The following TAF3 variants were observed in gnomAD, a reference collection of about 807,000 sequenced individuals.
The protein encoded by TAF3 is transcription initiation factor TFIID subunit 3.
TAF3 carries 7 observed loss-of-function variants against 80.6 expected under a neutral mutation model. The observed-to-expected ratio is 0.09, with a 90% CI of 0.05 to 0.16. The LOEUF (loss-of-function observed/expected upper bound fraction) is 0.16. Among genes scored for constraint, TAF3 ranks in the 10% least tolerant of loss-of-function variants. The pLI is 1.00. For missense variants in TAF3, 921 were observed against 1,140.2 expected (o/e 0.81, Z 2.77); for synonymous variants, 444 against 446.1 (o/e 1.00, Z 0.06).
At chr10:7,953,091 C>T (rs1838100210) in intron 2 of TAF3, among the ~76,000 whole-genome samples, 1 of 152,138 alleles carries the variant, frequency 6.6e-6, no homozygotes, top group Admixed American at 6.5e-5. Flanking sequence ...AGCTTCCCAG[C>T]TGGGCCTGAC....
intron 2 of TAF3, among the ~76,000 whole-genome samples, chr10:7,830,994 G>A (rs1244507): frequency 0.44 from 67,138 of 152,040 alleles, 14,998 homozygotes; most frequent in South Asian, 0.53. Flanking sequence ...GATATCAGCT[G>A]ATGATGTCCA....
intron 4 of TAF3, among the ~76,000 whole-genome samples, chr10:7,978,490 T>C (rs930759660): frequency 2.0e-5 from 3 of 152,184 alleles, no homozygotes; most frequent in Non-Finnish European, 2.9e-5. Flanking sequence ...TCACCTAAAT[T>C]CTCTGGATAA....
intron 2 of TAF3, among the ~76,000 whole-genome samples, chr10:7,863,730 T>C (rs1425951524): frequency 7.6e-6 from 1 of 132,022 alleles, no homozygotes; most frequent in Non-Finnish European, 1.6e-5. Flanking sequence ...CACATATATA[T>C]ATACACATAT....
intron 2 of TAF3, among the ~76,000 whole-genome samples, chr10:7,868,133 G>A (rs894113720): frequency 6.6e-6 from 1 of 151,910 alleles, no homozygotes; most frequent in Non-Finnish European, 1.5e-5. Flanking sequence ...CATATAAGGG[G>A]GCATGTGTAG....
chr10:7,855,540 G>T (rs1325565967), intron 2 of TAF3, among the ~76,000 whole-genome samples: 2 of 152,158 alleles, frequency 1.3e-5, no homozygotes, highest in African/African-American at 4.8e-5. Flanking sequence ...ATCAAACCTA[G>T]ATAGGATACC....
At chr10:7,946,638 A>T (rs1025888628) in intron 2 of TAF3, among the ~76,000 whole-genome samples, 1 of 152,086 alleles carries the variant, frequency 6.6e-6, no homozygotes, top group Non-Finnish European at 1.5e-5. Context: ...TGGGAGGATC[A>T]CTTGGACCCA....
intron 4 of TAF3, among the ~76,000 whole-genome samples, chr10:7,996,760 A>T (rs890343099): frequency 1.0e-4 from 14 of 134,734 alleles, no homozygotes; most frequent in African/African-American, 3.0e-4. Context: ...GCTCACTGCA[A>T]CCTCCACCTC....
intron 2 of TAF3, among the ~76,000 whole-genome samples, chr10:7,890,657 A>G (rs1564357605): frequency 6.6e-6 from 1 of 152,222 alleles, no homozygotes; most frequent in Non-Finnish European, 1.5e-5. Context: ...CATATCATCT[A>G]TGATCTCCAG....
chr10:7,930,834 A>AT (rs1837862114), intron 2 of TAF3, among the ~76,000 whole-genome samples: 1 of 151,688 alleles, frequency 6.6e-6, no homozygotes, highest in South Asian at 2.1e-4. Flanking sequence ...TATAATATAT[A>AT]TTTTTTATAC....
chr10:7,945,086 A>T (rs980731222), intron 2 of TAF3, among the ~76,000 whole-genome samples: 3 of 152,216 alleles, frequency 2.0e-5, no homozygotes, highest in African/African-American at 7.2e-5. Context: ...ACTGCACAAA[A>T]TAGGATAAGG....
chr10:7,866,666 G>C (rs1837217691), intron 2 of TAF3, among the ~76,000 whole-genome samples: 1 of 152,152 alleles, frequency 6.6e-6, no homozygotes. Context: ...TAACTGCAAT[G>C]GGAAACCATT....
At position 7,824,543 on chromosome 10, in the gene TAF3, T is replaced by C; in HGVS notation, c.392T>C (p.Ile131Thr). The stretch of plus-strand genomic sequence containing the variant: ...TACATTCCTGATTACCTGCCACCCA[T>C]TGTGTCTTCTCAAGAAGGTTTGTGA... ...KEYIPDYLPP[I>T]VSSQEEEEEE... Residue 131 changes from isoleucine (I) to threonine (T), a missense_variant, in exon 2 of 7, where the codon ATT (isoleucine) becomes ACT (threonine). Ile to Thr is a moderately conservative substitution (Grantham distance 89). This residue lies in a region of TAF3 where 106 missense variants were observed against 191.8 expected (regional missense o/e 0.55). Coordinates refer to ENST00000344293, the MANE Select transcript of TAF3 (RefSeq NM_031923.4). 1.9e-6 allele frequency: 3 copies of C among 1,614,118 alleles called. No homozygotes were observed. Among genetic ancestry groups the C allele is most frequent in the South Asian group, 1.1e-5 (1 of 91,066 alleles).
At chr10:7,977,354 A>G in intron 4 of TAF3, 31 bp downstream of exon 4, 1 of 1,607,512 alleles carries the variant, frequency 6.2e-7, no homozygotes, top group Non-Finnish European at 8.5e-7. Context: ...TCAGGGTGAA[A>G]CAAATGAAAT....
chr10:7,964,867 C>T lies in TAF3; in HGVS notation c.1357C>T (p.Leu453Phe), dbSNP rs754613904. ...AAAGTCAGGATCCACTCCTCTGCCT[C>T]TTTCCGGTGGAACCTCAAGTTCCGA... ...FTKSGSTPLP[L>F]SGGTSSSDNS... Residue 453 changes from leucine to phenylalanine, a missense_variant, in exon 3 of 7, where the codon CTT (leucine) becomes TTT (phenylalanine). Transcript: ENST00000344293. This position sits in a 1 kb window ranked among gnomAD's most constrained non-coding sequence, Gnocchi z 4.1. 20 of 1,614,100 alleles carry T rather than the reference C, an allele frequency of 1.2e-5. No homozygotes were observed. The highest frequency in any genetic ancestry group is 1.4e-5 in the Non-Finnish European group (16 of 1,180,050).
chr10:7,824,658 A>G (rs1054343094), intron 2 of TAF3, 98 bp downstream of exon 2: 1 of 1,413,514 alleles, frequency 7.1e-7, no homozygotes. Context: ...AATTCTGGAA[A>G]CACAATAGAA....
At chr10:7,849,044 A>G (rs1007565609) in intron 2 of TAF3, among the ~76,000 whole-genome samples, 1 of 152,222 alleles carries the variant, frequency 6.6e-6, no homozygotes, top group Non-Finnish European at 1.5e-5. Flanking sequence ...ACTTTGAGGG[A>G]CAGGAGGCTA....
chr10:7,842,174 T>TG (rs1836924646), intron 2 of TAF3, among the ~76,000 whole-genome samples: 2 of 95,994 alleles, frequency 2.1e-5, no homozygotes, highest in African/African-American at 3.9e-5. Flanking sequence ...GTTTTTTTTT[T>TG]TGTTTTTTTT....
intron 2 of TAF3, among the ~76,000 whole-genome samples, chr10:7,840,647 T>C (rs1047451289): frequency 8.6e-5 from 13 of 152,010 alleles, no homozygotes; most frequent in African/African-American, 2.4e-5. Context: ...GACGGGAATA[T>C]CAAGGAGGAG....
At chr10:7,974,237 C>T (rs1361271915) in intron 3 of TAF3, among the ~76,000 whole-genome samples, 1 of 152,062 alleles carries the variant, frequency 6.6e-6, no homozygotes, top group African/African-American at 2.4e-5. Context: ...CGCCACCCAT[C>T]CCCCTCATGA....
Sources: gnomAD v4.1 joint callset for allele counts (sites outside exome capture counted in the v4.1 genomes callset) on GRCh38, gnomAD v4.1.1 for gene constraint, gnomAD v4.1.1 regional missense constraint, Gnocchi (gnomAD v3.1) non-coding constraint, MANE v1.5 for transcripts, NCBI Gene and HGNC (gene_info 2026-07-23, HGNC 2026-07-21) for gene names.